The following CLVS1 variants were observed in gnomAD, a reference collection of about 807,000 sequenced individuals.
The protein encoded by CLVS1 is clavesin 1.
CLVS1 carries 10 observed loss-of-function variants against 33.1 expected under a neutral mutation model. The ratio of observed to expected loss-of-function variants is 0.30; its 90% confidence interval spans 0.19 to 0.51. CLVS1 has a LOEUF of 0.51. CLVS1 is among the 20% of genes least tolerant of loss of function. The probability of loss-of-function intolerance (pLI) is 0.97; values close to 1 mark genes in which losing one functional copy is unlikely to be tolerated. For synonymous variants in CLVS1, 163 were observed against 166.1 expected, an observed-to-expected ratio of 0.98 and a Z score of 0.14; for missense variants, 343 against 433.4, an observed-to-expected ratio of 0.79 and a Z score of 1.85.
At chr8:60,969,124 CTG>C in the CLVS1 span, among the ~76,000 whole-genome samples, 1 of 152,308 alleles carries the variant, frequency 6.6e-6, no homozygotes, top group South Asian at 2.1e-4. Context: ...TGTACAGCCT[CTG>C]TAATCCAGCC....
the CLVS1 span, among the ~76,000 whole-genome samples, chr8:60,975,665 T>C: frequency 6.6e-6 from 1 of 152,220 alleles, no homozygotes; most frequent in East Asian, 1.9e-4. Flanking sequence ...TGTGAGAACA[T>C]AATTTCTTGT....
intron 2 of CLVS1, chr8:61,264,713 C>G (rs1188474963): frequency 6.6e-6 from 1 of 152,116 alleles, no homozygotes; most frequent in Non-Finnish European, 1.5e-5. Flanking sequence ...TCCTCCAGGC[C>G]CCTCAGGAAG....
intron 2 of CLVS1, among the ~76,000 whole-genome samples, chr8:61,187,777 AAG>A (rs1563436887): frequency 1.3e-5 from 2 of 149,896 alleles, no homozygotes; most frequent in East Asian, 1.9e-4. Context: ...AATTATATAT[AAG>A]ATCTATGTAT....
chr8:61,197,513 G>GT (rs1554544779), intron 2 of CLVS1, among the ~76,000 whole-genome samples: 3 of 151,654 alleles, frequency 2.0e-5, no homozygotes, highest in Middle Eastern at 3.4e-3. Flanking sequence ...TGTTGTTGTT[G>GT]TTGTTTGTTT....
chr8:60,983,467 ACCAAGGAG>A, the CLVS1 span, among the ~76,000 whole-genome samples: 1 of 152,294 alleles, frequency 6.6e-6, no homozygotes, highest in South Asian at 2.1e-4. Flanking sequence ...GGGCAAGGGA[ACCAAGGAG>A]CCAGCATTTT....
intron 3 of CLVS1, among the ~76,000 whole-genome samples, chr8:61,410,853 G>A (rs1417999542): frequency 6.6e-6 from 1 of 152,106 alleles, no homozygotes; most frequent in Non-Finnish European, 1.5e-5. Context: ...TGTTGGCCAG[G>A]CTGGTCTTGA....
intron 3 of CLVS1, among the ~76,000 whole-genome samples, chr8:61,449,733 A>T (rs141210152): frequency 2.1e-4 from 32 of 152,178 alleles, no homozygotes; most frequent in African/African-American, 6.3e-4. Context: ...CTGTCCCAAG[A>T]CTTTGATACA....
At chr8:61,269,336 G>A (rs1585736415) in intron 2 of CLVS1, among the ~76,000 whole-genome samples, 1 of 152,136 alleles carries the variant, frequency 6.6e-6, no homozygotes, top group African/African-American at 2.4e-5. Flanking sequence ...TAGATGTGTG[G>A]TATTATTTCT....
At chr8:61,417,928 CA>C (rs1815504309) in intron 3 of CLVS1, among the ~76,000 whole-genome samples, 1 of 152,212 alleles carries the variant, frequency 6.6e-6, no homozygotes, top group Non-Finnish European at 1.5e-5. Context: ...TCCTTTCAGT[CA>C]AAATGTCTTA....
At chr8:61,093,192 C>T (rs530182429) in intron 1 of CLVS1, among the ~76,000 whole-genome samples, 16 of 152,062 alleles carry the variant, frequency 1.1e-4, no homozygotes, top group Admixed American at 1.0e-3. Context: ...TGATGTATAC[C>T]AATATAATGG....
intron 2 of CLVS1, chr8:61,301,035 A>G (rs1277092854): frequency 6.6e-6 from 1 of 152,188 alleles, no homozygotes; most frequent in Admixed American, 6.5e-5. Context: ...CTTCTTAGCT[A>G]GTATCTCTGC....
intron 5 of CLVS1, among the ~76,000 whole-genome samples, chr8:61,474,124 G>A (rs1252607517): frequency 6.6e-6 from 1 of 152,202 alleles, no homozygotes; most frequent in African/African-American, 2.4e-5. Context: ...AGGAAGTTCA[G>A]TATTTGAATG....
intron 2 of CLVS1, chr8:61,203,225 T>C: frequency 1.9e-6 from 2 of 1,077,934 alleles, no homozygotes; most frequent in Non-Finnish European, 2.8e-6. Context: ...GAAGTCTCTT[T>C]AAGAAAATAG....
the CLVS1 span, among the ~76,000 whole-genome samples, chr8:60,981,110 T>C: frequency 6.6e-6 from 1 of 152,178 alleles, no homozygotes; most frequent in African/African-American, 2.4e-5. Flanking sequence ...TTTAAGAGAA[T>C]ATATTTCTGT....
At chr8:61,359,158 C>A (rs376680280) in intron 2 of CLVS1, among the ~76,000 whole-genome samples, 8 of 152,158 alleles carry the variant, frequency 5.3e-5, no homozygotes, top group Admixed American at 3.9e-4. Context: ...AAGCCCTCAT[C>A]ATTCACAGAA....
the CLVS1 span, among the ~76,000 whole-genome samples, chr8:60,979,018 G>A: frequency 6.6e-6 from 1 of 152,176 alleles, no homozygotes; most frequent in African/African-American, 2.4e-5. Context: ...TTGACAACTT[G>A]AAAAATTTAG....
intron 1 of CLVS1, among the ~76,000 whole-genome samples, chr8:61,069,858 T>G (rs1186303615): frequency 6.6e-6 from 1 of 152,220 alleles, no homozygotes; most frequent in East Asian, 1.9e-4. Context: ...TGGCGCGATC[T>G]TGGCTTACTA....
the CLVS1 span, among the ~76,000 whole-genome samples, chr8:61,020,439 A>G: frequency 2.0e-4 from 31 of 152,338 alleles, no homozygotes; most frequent in African/African-American, 7.2e-4. Context: ...TTGTCAACAG[A>G]TACTTCAGCT....
chr8:61,323,860 A>G lies in CLVS1; in HGVS notation c.455+23578A>G, dbSNP rs555474064. 2.6e-5 allele frequency among the ~76,000 whole-genome samples: 4 copies of G among 152,112 alleles called. No homozygotes were observed. The South Asian group carries it at 6.2e-4, about 24-fold the overall frequency. On this transcript the variant is annotated intron_variant, in intron 2 of 5. Transcript: ENST00000325897. ...TGTGTGTTTTTCCCTCTACGTGTCTATAAGCTCCCACTTATAAGTCAGAAC... is the reference window on the plus strand; with the variant it reads ...TGTGTGTTTTTCCCTCTACGTGTCTGTAAGCTCCCACTTATAAGTCAGAAC...
Sources: allele counts gnomAD v4.1 joint callset (sites outside exome capture counted in the v4.1 genomes callset), GRCh38; gene constraint gnomAD v4.1.1; transcripts MANE v1.5; gene names NCBI Gene and HGNC (gene_info 2026-07-23, HGNC 2026-07-21).